The following SYBU variants were observed in gnomAD, a reference collection of about 807,000 sequenced individuals.
The protein encoded by SYBU is GOLSYN A protein.
A neutral mutation model predicts 35.9 loss-of-function variants in SYBU; 21 were observed. The ratio of observed to expected loss-of-function variants is 0.58; its 90% CI spans 0.41 to 0.84. The LOEUF (loss-of-function observed/expected upper bound fraction) is 0.84. Among genes scored for constraint, SYBU ranks in the 40% least tolerant of loss-of-function variants. The probability of loss-of-function intolerance (pLI) is 0.00; values close to 1 mark genes in which losing one functional copy is unlikely to be tolerated. For synonymous variants in SYBU, 319 were observed against 324.3 expected (o/e 0.98, Z 0.18); for missense variants, 768 against 848.2 (o/e 0.91, Z 1.17).
intron 3 of SYBU, among the ~76,000 whole-genome samples, chr8:109,594,303 C>T (rs1049394474): frequency 1.2e-4 from 19 of 152,254 alleles, no homozygotes; most frequent in African/African-American, 4.1e-4. Flanking sequence ...AAGTCTATGA[C>T]TCAGTCCAGA....
At chr8:109,586,995 T>C (rs1823695601) in intron 3 of SYBU, among the ~76,000 whole-genome samples, 1 of 152,178 alleles carries the variant, frequency 6.6e-6, no homozygotes, top group African/African-American at 2.4e-5. Context: ...AACATTCCCA[T>C]ACACTGCCTG....
intron 1 of SYBU, among the ~76,000 whole-genome samples, chr8:109,651,939 G>A (rs532867805): frequency 6.6e-6 from 1 of 152,336 alleles, no homozygotes; most frequent in African/African-American, 2.4e-5. Context: ...TTTTCCTCCA[G>A]AAGGTAGAGT....
intron 2 of SYBU, among the ~76,000 whole-genome samples, chr8:109,631,312 T>TA (rs1036712939): frequency 6.6e-6 from 1 of 152,216 alleles, no homozygotes; most frequent in African/African-American, 2.4e-5. Flanking sequence ...ACATGTAACT[T>TA]ACATCTACAA....
intron 1 of SYBU, among the ~76,000 whole-genome samples, chr8:109,661,299 T>C (rs1442999942): frequency 1.3e-5 from 2 of 152,172 alleles, no homozygotes; most frequent in Non-Finnish European, 2.9e-5. Flanking sequence ...AAGAAACTAT[T>C]GGACATGTAA....
intron 3 of SYBU, among the ~76,000 whole-genome samples, chr8:109,612,933 C>A (rs572177783): frequency 1.4e-5 from 2 of 145,418 alleles, no homozygotes; most frequent in Middle Eastern, 3.5e-3. Context: ...TGAGCTGAGA[C>A]TGCGCCACTG....
chr8:109,616,002 C>CTTTTTTT (rs1811725305), intron 3 of SYBU, among the ~76,000 whole-genome samples: 1 of 99,286 alleles, frequency 1.0e-5, no homozygotes. Context: ...CTTTTCTTTT[C>CTTTTTTT]TTTCTTTTTT....
intron 4 of SYBU, among the ~76,000 whole-genome samples, chr8:109,583,176 C>T (rs918524502): frequency 8.5e-5 from 13 of 152,166 alleles, no homozygotes; most frequent in Non-Finnish European, 1.6e-4. Flanking sequence ...CTTTTACCAA[C>T]GCTTTCACTA....
chr8:109,673,369 C>T (rs3133922), intron 1 of SYBU, among the ~76,000 whole-genome samples: 67,099 of 152,080 alleles, frequency 0.44, 17,670 homozygotes, highest in Non-Finnish European at 0.57. Flanking sequence ...CTGCAGCCTC[C>T]GCTGGTGATA....
intron 3 of SYBU, among the ~76,000 whole-genome samples, chr8:109,593,629 C>T (rs1011443694): frequency 2.3e-4 from 35 of 152,242 alleles, no homozygotes; most frequent in Admixed American, 9.8e-4. Flanking sequence ...TGCTGTTGAA[C>T]GTGTCAAATG....
chr8:109,579,877 T>C lies in SYBU; in HGVS notation c.656A>G (p.His219Arg). 6.2e-7 allele frequency: 1 copy of C among 1,613,922 alleles called. No homozygotes were observed. Among genetic ancestry groups the C allele is most frequent in the Non-Finnish European group, 8.5e-7 (1 of 1,179,966 alleles). ...CRNQLSPVNI[H>R]PSYAPSSPSS... is the part of the protein sequence containing the mutation. ...TGGGGAAGAAGGTGCATAACTGGGATGGATATTGACAGGGCTCAGCTGATT... is the reference window on the plus strand; with the variant it reads ...TGGGGAAGAAGGTGCATAACTGGGACGGATATTGACAGGGCTCAGCTGATT... The change falls in exon 5 of 7, where the codon CAT becomes CGT. Residue 219 changes from histidine to arginine, a missense_variant. Coordinates refer to ENST00000276646, the MANE Select transcript of SYBU (RefSeq NM_001099754.2).
chr8:109,593,510 A>G (rs1457602271), intron 3 of SYBU, among the ~76,000 whole-genome samples: 2 of 152,208 alleles, frequency 1.3e-5, no homozygotes, highest in African/African-American at 4.8e-5. Flanking sequence ...GTTCCAGCCA[A>G]ACTCATGTAC....
chr8:109,681,537 T>C (rs1307246124), upstream of SYBU, among the ~76,000 whole-genome samples: 1 of 152,196 alleles, frequency 6.6e-6, no homozygotes, highest in African/African-American at 2.4e-5. Context: ...ATTTAAGATG[T>C]GTTATGTGCT....
upstream of SYBU, among the ~76,000 whole-genome samples, chr8:109,684,466 G>T (rs772927845): frequency 7.4e-4 from 113 of 152,236 alleles, no homozygotes; most frequent in Non-Finnish European, 1.1e-3. Context: ...TATCAGACTG[G>T]GAAATACTGT....
At chr8:109,581,211 T>C (rs2131229014) in intron 4 of SYBU, among the ~76,000 whole-genome samples, 1 of 152,356 alleles carries the variant, frequency 6.6e-6, no homozygotes, top group Non-Finnish European at 1.5e-5. Context: ...ATCCTCCTAC[T>C]TTTGATACAT....
At chr8:109,629,882 T>C (rs1439230056) in intron 2 of SYBU, among the ~76,000 whole-genome samples, 1 of 152,188 alleles carries the variant, frequency 6.6e-6, no homozygotes, top group Non-Finnish European at 1.5e-5. Context: ...GATTTGCATT[T>C]CTCTGATGGC....
chr8:109,586,078 C>A lies in SYBU; in HGVS notation c.512G>T (p.Arg171Leu). Residue 171 changes from arginine (R) to leucine (L), a missense_variant, in exon 4 of 7, where the codon CGG becomes CTG. By Grantham distance (102) the Arg-to-Leu change is moderately radical. Transcript: ENST00000276646. ...TGCCTACTTGCGTGAAGAAGAAGACCGCTTGCTTCCCGCAGTCGACATATG... is the reference window on the plus strand; with the variant it reads ...TGCCTACTTGCGTGAAGAAGAAGACAGCTTGCTTCCCGCAGTCGACATATG... ...EVHMSTAGSK[R>L]SSSSRNRGPH... 6.2e-7 allele frequency: 1 copy of A among 1,610,794 alleles called. No individual in the cohort carries two copies. The highest frequency in any genetic ancestry group is 1.1e-5 in the South Asian group (1 of 89,968).
In SYBU at chr8:109,626,144, A is replaced by T. The variant is rs555702689; in HGVS notation, c.230-7105T>A. Among the ~76,000 whole-genome samples the T allele has an allele frequency of 4.6e-5, 7 of 152,262 alleles. No individual in the cohort carries two copies. The East Asian group carries it at 1.2e-3, about 25-fold the overall frequency. ...TTTGGAAGTTCAGGTTTTCTTACTGATCTGTAAGAACTCTTTATATGTTAA... is the reference window on the plus strand; with the variant it reads ...TTTGGAAGTTCAGGTTTTCTTACTGTTCTGTAAGAACTCTTTATATGTTAA... On this transcript the variant is annotated intron_variant, in intron 2 of 6. Transcript: ENST00000276646.
In SYBU at chr8:109,584,336, ACT is replaced by A. The variant is rs1823379401; in HGVS notation, c.530+1722_530+1723del. On this transcript the variant is annotated intron_variant, in intron 4 of 6. Coordinates refer to ENST00000276646, the MANE Select transcript of SYBU (RefSeq NM_001099754.2). The surrounding 1 kb of genome is among the most constrained non-coding windows in gnomAD (Gnocchi z 4.0). ...TAGACTAGAATATTTTCTCTTAGTCACTCTGTATTATTGACACAACCTTGGAA... is the reference window on the plus strand; with the variant it reads ...TAGACTAGAATATTTTCTCTTAGTCACTGTATTATTGACACAACCTTGGAA... Among the ~76,000 whole-genome samples the A allele has an allele frequency of 6.6e-6, 1 of 152,148 alleles. No individual in the cohort carries two copies. Among genetic ancestry groups the A allele is most frequent in the South Asian group, 2.1e-4 (1 of 4,822 alleles).
At chr8:109,611,436 A>G (rs780235000) in intron 3 of SYBU, among the ~76,000 whole-genome samples, 4 of 132,732 alleles carry the variant, frequency 3.0e-5, no homozygotes, top group African/African-American at 6.9e-5. Flanking sequence ...TAACCCTGCC[A>G]TAAAGATAAA....
Sources: gnomAD v4.1 joint callset for allele counts (sites outside exome capture counted in the v4.1 genomes callset) on GRCh38, gnomAD v4.1.1 for gene constraint, Gnocchi (gnomAD v3.1) non-coding constraint, MANE v1.5 for transcripts, NCBI Gene and HGNC (gene_info 2026-07-23, HGNC 2026-07-21) for gene names.